MARCHF1: variants seen among roughly 807,000 people sequenced by gnomAD.
MARCHF1 encodes the protein membrane associated ring-CH-type finger 1.
Under a neutral mutation model 54.2 loss-of-function variants are expected in MARCHF1, and 40 were observed. That is an observed-to-expected ratio of 0.74 (90% CI 0.57 to 0.96). The LOEUF is 0.96. MARCHF1 is among the 40% of genes least tolerant of loss of function. The probability of loss-of-function intolerance (pLI) is 0.00; values close to 1 mark genes in which losing one functional copy is unlikely to be tolerated. For missense variants in MARCHF1, 586 were observed against 656.5 expected, an observed-to-expected ratio of 0.89 and a Z score of 1.17; for synonymous variants, 236 against 236.3, an observed-to-expected ratio of 1.00 and a Z score of 0.01.
intron 5 of MARCHF1, among the ~76,000 whole-genome samples, chr4:163,622,234 G>A (rs1217007397): frequency 6.6e-6 from 1 of 151,946 alleles, no homozygotes; most frequent in Non-Finnish European, 1.5e-5. Context: ...TGGGTTGGAA[G>A]GCCAGGGCCT....
chr4:163,944,843 T>C (rs1345235236), intron 3 of MARCHF1, among the ~76,000 whole-genome samples: 1 of 152,194 alleles, frequency 6.6e-6, no homozygotes, highest in Non-Finnish European at 1.5e-5. Context: ...ATTTGGTTAA[T>C]GTGAGTTTTG....
intron 3 of MARCHF1, among the ~76,000 whole-genome samples, chr4:163,862,501 A>G (rs1033221772): frequency 6.6e-6 from 1 of 152,096 alleles, no homozygotes; most frequent in African/African-American, 2.4e-5. Flanking sequence ...TAAAACAACG[A>G]GATGCCACTA....
At chr4:163,878,872 G>A (rs564362570) in intron 3 of MARCHF1, among the ~76,000 whole-genome samples, 3 of 152,222 alleles carry the variant, frequency 2.0e-5, no homozygotes, top group East Asian at 1.9e-4. Flanking sequence ...CTACCTGGAG[G>A]CCCCTTCTCC....
At chr4:164,378,185 T>C (rs748402686) in intron 1 of MARCHF1, among the ~76,000 whole-genome samples, 21 of 152,148 alleles carry the variant, frequency 1.4e-4, no homozygotes, top group Non-Finnish European at 2.8e-4. Flanking sequence ...GTGGGGGCAA[T>C]TGCCAATCTG....
intron 1 of MARCHF1, among the ~76,000 whole-genome samples, chr4:164,383,032 A>G (rs1014004303): frequency 6.6e-6 from 1 of 152,182 alleles, no homozygotes; most frequent in African/African-American, 2.4e-5. Flanking sequence ...CGCTTCAGAA[A>G]CCAGAGAAAA....
chr4:163,710,171 AC>A (rs1412156398), intron 4 of MARCHF1, among the ~76,000 whole-genome samples: 1 of 152,126 alleles, frequency 6.6e-6, no homozygotes, highest in Non-Finnish European at 1.5e-5. Flanking sequence ...GTACTTCTAT[AC>A]ACCCCTTAGG....
At chr4:163,995,590 T>G (rs1324835335) in intron 2 of MARCHF1, among the ~76,000 whole-genome samples, 1 of 152,028 alleles carries the variant, frequency 6.6e-6, no homozygotes, top group African/African-American at 2.4e-5. Context: ...AGACATCACT[T>G]TGGCAATTCT....
At chr4:164,159,486 CAA>C (rs533944895) in intron 1 of MARCHF1, among the ~76,000 whole-genome samples, 19 of 151,650 alleles carry the variant, frequency 1.3e-4, no homozygotes, top group Admixed American at 2.6e-4. Flanking sequence ...GAGGAAGAAC[CAA>C]AAAAATGAAT....
intron 2 of MARCHF1, among the ~76,000 whole-genome samples, chr4:164,103,032 T>A (rs1280055114): frequency 8.4e-6 from 1 of 119,286 alleles, no homozygotes; most frequent in African/African-American, 3.2e-5. Flanking sequence ...CATTACATAA[T>A]GGTAAAGGGA....
At chr4:164,308,374 G>A (rs974016780) in intron 1 of MARCHF1, among the ~76,000 whole-genome samples, 7 of 152,118 alleles carry the variant, frequency 4.6e-5, no homozygotes, top group Admixed American at 4.6e-4. Context: ...TTAGGACAAA[G>A]AAATCATTAA....
intron 1 of MARCHF1, among the ~76,000 whole-genome samples, chr4:164,308,975 AAAAG>A (rs1183212199): frequency 1.7e-4 from 26 of 152,066 alleles, no homozygotes; most frequent in African/African-American, 6.0e-4. Flanking sequence ...AAAAAAAAAA[AAAAG>A]AAAGAGAAAG....
intron 8 of MARCHF1, among the ~76,000 whole-genome samples, chr4:163,548,396 A>ATCCT (rs1738983871): frequency 6.6e-6 from 1 of 150,568 alleles, no homozygotes; most frequent in Non-Finnish European, 1.5e-5. Context: ...ACTTCTATCT[A>ATCCT]TGGAGCAATT....
chr4:163,639,849 A>G (rs1392956553), intron 5 of MARCHF1, among the ~76,000 whole-genome samples: 2 of 152,124 alleles, frequency 1.3e-5, no homozygotes, highest in Admixed American at 6.5e-5. Context: ...AGTTTTGTGG[A>G]TGAAACAAAG....
intron 1 of MARCHF1, among the ~76,000 whole-genome samples, chr4:164,170,279 C>T (rs1730487648): frequency 6.6e-6 from 1 of 152,014 alleles, no homozygotes; most frequent in South Asian, 2.1e-4. Context: ...GCATATTTTG[C>T]AAAGGTCTAC....
intron 5 of MARCHF1, among the ~76,000 whole-genome samples, chr4:163,620,606 C>CACACACAG (rs1282901525): frequency 1.8e-4 from 10 of 56,870 alleles, no homozygotes; most frequent in Non-Finnish European, 4.1e-4. Flanking sequence ...CACACACACA[C>CACACACAG]AGAGAGAGAG....
chr4:164,080,295 G>T (rs1006104259), intron 2 of MARCHF1, among the ~76,000 whole-genome samples: 1 of 152,226 alleles, frequency 6.6e-6, no homozygotes, highest in African/African-American at 2.4e-5. Context: ...AGCAGAAGCA[G>T]CATCTAAGCC....
At chr4:163,792,937 A>C (rs1300788324) in intron 4 of MARCHF1, among the ~76,000 whole-genome samples, 1 of 152,202 alleles carries the variant, frequency 6.6e-6, no homozygotes, top group African/African-American at 2.4e-5. Context: ...TTTTTGAACT[A>C]AAGCACAGAA....
chr4:164,126,506 G>C (rs12511920), intron 1 of MARCHF1, among the ~76,000 whole-genome samples: 74,040 of 151,982 alleles, frequency 0.49, 18,441 homozygotes, highest in South Asian at 0.6. Flanking sequence ...TGGAGAAGTG[G>C]CGGTGCTGCT....
chr4:164,275,456 GT>G (rs1191198304), intron 1 of MARCHF1, among the ~76,000 whole-genome samples: 1 of 151,470 alleles, frequency 6.6e-6, no homozygotes, highest in Non-Finnish European at 1.5e-5. Context: ...TAATCCTTGA[GT>G]GGGGGAAAGG....
Sources: gnomAD v4.1 joint callset for allele counts (sites outside exome capture counted in the v4.1 genomes callset) on GRCh38, gnomAD v4.1.1 for gene constraint, MANE v1.5 for transcripts, NCBI Gene and HGNC (gene_info 2026-07-23, HGNC 2026-07-21) for gene names.